HVCN1: variants seen among roughly 807,000 people sequenced by gnomAD.
HVCN1 encodes the protein voltage-gated hydrogen channel 1.
A neutral mutation model predicts 29.2 loss-of-function variants in HVCN1; 14 were observed. The ratio of observed to expected loss-of-function variants is 0.48; its 90% CI spans 0.32 to 0.75. The LOEUF (loss-of-function observed/expected upper bound fraction) is 0.75. Among genes scored for constraint, HVCN1 ranks in the 30% least tolerant of loss-of-function variants. The probability of loss-of-function intolerance (pLI) is 0.04; values close to 1 mark genes in which losing one functional copy is unlikely to be tolerated. For synonymous variants in HVCN1, 131 were observed against 133.2 expected, an observed-to-expected ratio of 0.98 and a Z score of 0.11; for missense variants, 263 against 341.8, an observed-to-expected ratio of 0.77 and a Z score of 1.82.
chr12:110,669,209 A>T (rs2068481912), intron 3 of HVCN1, among the ~76,000 whole-genome samples: 1 of 151,716 alleles, frequency 6.6e-6, no homozygotes, highest in Non-Finnish European at 1.5e-5. Context: ...AAGAACAGAA[A>T]ATCGTCCTTG....
intron 3 of HVCN1, among the ~76,000 whole-genome samples, chr12:110,674,240 T>C (rs964109523): frequency 2.6e-5 from 4 of 152,234 alleles, no homozygotes; most frequent in Non-Finnish European, 5.9e-5. Flanking sequence ...GTAACTATTT[T>C]GTTTTGGTTA....
intron 1 of HVCN1, among the ~76,000 whole-genome samples, chr12:110,704,548 C>T (rs1322034908): frequency 6.6e-6 from 1 of 152,022 alleles, no homozygotes; most frequent in African/African-American, 2.4e-5. Flanking sequence ...GTCCCAGCTA[C>T]TTGAGAGGCT....
intron 3 of HVCN1, among the ~76,000 whole-genome samples, chr12:110,663,652 T>C (rs1220002539): frequency 6.8e-6 from 1 of 146,774 alleles, no homozygotes; most frequent in African/African-American, 2.5e-5. Context: ...ATGTGGGAGA[T>C]AGAGGAATGA....
intron 6 of HVCN1, 94 bp downstream of exon 6, chr12:110,651,123 A>G: frequency 1.2e-6 from 1 of 865,694 alleles, no homozygotes; most frequent in Non-Finnish European, 1.9e-6. Context: ...AGCCACTGTG[A>G]GCTCAGGCAC....
intron 3 of HVCN1, among the ~76,000 whole-genome samples, chr12:110,662,889 G>C (rs539393312): frequency 6.6e-6 from 1 of 152,082 alleles, no homozygotes; most frequent in Admixed American, 6.6e-5. Flanking sequence ...AATATATAAA[G>C]AAATCTTATA....
intron 2 of HVCN1, among the ~76,000 whole-genome samples, chr12:110,701,743 GC>G (rs1242437299): frequency 1.3e-5 from 2 of 151,756 alleles, no homozygotes; most frequent in African/African-American, 4.8e-5. Flanking sequence ...TGTAGCTCCA[GC>G]TACTGGGGAG....
intron 3 of HVCN1, among the ~76,000 whole-genome samples, chr12:110,662,715 C>T (rs2068219128): frequency 6.6e-6 from 1 of 152,074 alleles, no homozygotes; most frequent in Non-Finnish European, 1.5e-5. Context: ...AAAACACAAA[C>T]AAACAACACA....
chr12:110,679,244 G>A (rs1040541576), intron 3 of HVCN1, among the ~76,000 whole-genome samples: 3 of 152,160 alleles, frequency 2.0e-5, no homozygotes, highest in African/African-American at 4.8e-5. Flanking sequence ...ATGTGCAGCC[G>A]AGGTGGGTAA....
chr12:110,683,157 C>T, intron 3 of HVCN1, 68 bp downstream of exon 3: 1 of 1,604,918 alleles, frequency 6.2e-7, no homozygotes, highest in Non-Finnish European at 8.5e-7. Context: ...CTGTTTGAAA[C>T]ACCAAACAGA....
chr12:110,659,761 A>AG (rs1358170616), intron 4 of HVCN1, among the ~76,000 whole-genome samples: 2 of 152,114 alleles, frequency 1.3e-5, no homozygotes, highest in African/African-American at 4.8e-5. Flanking sequence ...TCTTAAAAAA[A>AG]AAGCCCTTCT....
intron 2 of HVCN1, among the ~76,000 whole-genome samples, 189 bp from the exon 3 acceptor site, chr12:110,683,453 A>C (rs889678361): frequency 3.3e-5 from 5 of 152,214 alleles, no homozygotes; most frequent in African/African-American, 1.2e-4. Context: ...ATGAACTGAA[A>C]CAGGGACTCA....
chr12:110,654,489 T>C (rs1198759248), intron 5 of HVCN1, among the ~76,000 whole-genome samples: 8 of 150,360 alleles, frequency 5.3e-5, no homozygotes, highest in African/African-American at 1.7e-4. Flanking sequence ...TTTTTTTTTT[T>C]TTCCTGGAGA....
intron 3 of HVCN1, among the ~76,000 whole-genome samples, chr12:110,671,258 C>T (rs1422858465): frequency 6.6e-6 from 1 of 152,080 alleles, no homozygotes; most frequent in Non-Finnish European, 1.5e-5. Flanking sequence ...ACTCGAGAGG[C>T]TGCAGTGAGC....
intron 3 of HVCN1, among the ~76,000 whole-genome samples, chr12:110,666,589 C>T (rs1233993226): frequency 6.6e-6 from 1 of 152,156 alleles, no homozygotes; most frequent in Non-Finnish European, 1.5e-5. Context: ...GTGCATGGCC[C>T]TCCAGGAACT....
intron 2 of HVCN1, among the ~76,000 whole-genome samples, chr12:110,687,003 G>T (rs2069207430): frequency 6.6e-6 from 1 of 152,152 alleles, no homozygotes; most frequent in African/African-American, 2.4e-5. Context: ...CTCTTGGGAG[G>T]GATAATTCTG....
chr12:110,651,043 C>T (rs1330808925), intron 6 of HVCN1, among the ~76,000 whole-genome samples, 174 bp downstream of exon 6: 1 of 151,996 alleles, frequency 6.6e-6, no homozygotes, highest in African/African-American at 2.4e-5. Flanking sequence ...ATAACCAGCT[C>T]CTAAAGGGCT....
At position 110,648,774 on chromosome 12, in the gene HVCN1, G is replaced by GAA; in HGVS notation, c.*635_*636insTT. 2 of 299,320 alleles carry GAA rather than the reference G, an allele frequency of 6.7e-6. No individual in the cohort carries two copies. The highest frequency in any genetic ancestry group is 1.3e-5 in the Non-Finnish European group (2 of 157,734). The allele number at this position is 299,320 out of a possible 1,614,324, so 18.5% of individuals were successfully genotyped here. On this transcript the variant is annotated 3_prime_UTR_variant, in exon 8 of 8. Coordinates refer to ENST00000242607, the MANE Select transcript of HVCN1 (RefSeq NM_032369.4). ...TGCCACAGAGGAAAGAATACAGTAG[G>GAA]AGGGTCCAGGGAAAAGAGAGAGTTT...
Position 110,681,916 on chromosome 12 carries a change from T to A in HVCN1, c.21+1309A>T, listed in dbSNP as rs187661878. ...CTCACATATCAAAGACACAGTCTAT[T>A]TCCTACTCGAGATGGCCATAAGGTA... On this transcript the variant is annotated intron_variant, in intron 3 of 7. Transcript: ENST00000242607. Among the ~76,000 whole-genome samples, 4 of 152,270 alleles carry A rather than the reference T, an allele frequency of 2.6e-5. No homozygotes were observed. In the East Asian group the frequency reaches 7.7e-4, roughly 29 times the overall value.
intron 6 of HVCN1, 58 bp downstream of exon 6, chr12:110,651,159 T>C: frequency 7.6e-7 from 1 of 1,312,092 alleles, no homozygotes; most frequent in Non-Finnish European, 1.1e-6. Flanking sequence ...AGTCAGGCCT[T>C]GGATGTATGC....
Sources: allele counts gnomAD v4.1 joint callset (sites outside exome capture counted in the v4.1 genomes callset), GRCh38; gene constraint gnomAD v4.1.1; transcripts MANE v1.5; gene names NCBI Gene and HGNC (gene_info 2026-07-23, HGNC 2026-07-21).